EGFR: variants seen among roughly 807,000 people sequenced by gnomAD.
EGFR encodes the protein avian erythroblastic leukemia viral (v-erb-b) oncogene homolog.
EGFR carries 58 observed loss-of-function variants against 143.0 expected under a neutral mutation model. The ratio of observed to expected loss-of-function variants is 0.41; its 90% CI spans 0.33 to 0.50. The LOEUF (loss-of-function observed/expected upper bound fraction) is 0.50, where lower values mean the gene tolerates loss of function less well. Ranked by LOEUF, EGFR falls within the 20% of genes least tolerant of loss-of-function variation. EGFR has a pLI of 0.39. For missense variants in EGFR, 1,307 were observed against 1,579.0 expected (o/e 0.83, Z 2.92); for synonymous variants, 613 against 594.4 (o/e 1.03, Z -0.45).
chr7:55,163,484 T>C (rs1785807612), intron 13 of EGFR, among the ~76,000 whole-genome samples: 1 of 152,214 alleles, frequency 6.6e-6, no homozygotes, highest in Admixed American at 6.5e-5. Context: ...GCTTACCCAA[T>C]ATGCAAAAAC....
intron 1 of EGFR, among the ~76,000 whole-genome samples, chr7:55,034,502 A>G (rs1787445434): frequency 6.6e-6 from 1 of 152,160 alleles, no homozygotes; most frequent in Non-Finnish European, 1.5e-5. Context: ...TGCTTGATTC[A>G]CTGATGACTG....
chr7:55,025,049 T>G (rs1232436458), intron 1 of EGFR, among the ~76,000 whole-genome samples: 1 of 151,868 alleles, frequency 6.6e-6, no homozygotes, highest in African/African-American at 2.4e-5. Context: ...TTCTTGAGAG[T>G]GCTAGTAATT....
intron 20 of EGFR, among the ~76,000 whole-genome samples, chr7:55,187,485 G>T (rs1009198251): frequency 6.6e-6 from 1 of 152,194 alleles, no homozygotes; most frequent in Non-Finnish European, 1.5e-5. Flanking sequence ...CAGGACAGGG[G>T]TCCCAGCAGC....
intron 1 of EGFR, among the ~76,000 whole-genome samples, chr7:55,036,759 T>G (rs956052944): frequency 6.6e-6 from 1 of 152,124 alleles, no homozygotes; most frequent in African/African-American, 2.4e-5. Flanking sequence ...TATATAAAAA[T>G]AGGTTTTGAA....
intron 12 of EGFR, among the ~76,000 whole-genome samples, chr7:55,160,791 C>A (rs145849050): frequency 6.6e-6 from 1 of 152,228 alleles, no homozygotes. Flanking sequence ...CCACGGGCAG[C>A]GTCAGCTTTG....
intron 15 of EGFR, among the ~76,000 whole-genome samples, chr7:55,167,354 G>T (rs1183307692): frequency 2.1e-5 from 3 of 141,476 alleles, no homozygotes; most frequent in African/African-American, 2.7e-5. Flanking sequence ...AGTCACAATG[G>T]TGGTGGTGTT....
intron 1 of EGFR, among the ~76,000 whole-genome samples, chr7:55,137,436 C>A (rs946677847): frequency 1.3e-5 from 2 of 152,124 alleles, no homozygotes; most frequent in Non-Finnish European, 2.9e-5. Flanking sequence ...GGCTTGTGGG[C>A]AGAGTGGTAT....
intron 15 of EGFR, among the ~76,000 whole-genome samples, chr7:55,169,066 C>A (rs1474783758): frequency 6.6e-6 from 1 of 151,962 alleles, no homozygotes; most frequent in Non-Finnish European, 1.5e-5. Context: ...TGCAGCCACC[C>A]AGACGAGGGG....
At chr7:55,203,575 TACGCCAC>T (rs1787965163) in intron 27 of EGFR, among the ~76,000 whole-genome samples, 2 of 147,618 alleles carry the variant, frequency 1.4e-5, no homozygotes, top group Admixed American at 6.7e-5. Flanking sequence ...CACACACACA[TACGCCAC>T]ACACACACCA....
intron 1 of EGFR, among the ~76,000 whole-genome samples, chr7:55,042,072 T>C (rs1378357957): frequency 6.6e-6 from 1 of 152,236 alleles, no homozygotes; most frequent in Non-Finnish European, 1.5e-5. Context: ...TAATATATGA[T>C]CTTCTGAGTC....
chr7:55,141,121 T>C (rs1584139186), intron 1 of EGFR, among the ~76,000 whole-genome samples: 1 of 152,232 alleles, frequency 6.6e-6, no homozygotes. Context: ...GAAGTGCCTT[T>C]GCAGATGAGG....
intron 1 of EGFR, among the ~76,000 whole-genome samples, chr7:55,051,803 G>T (rs545624875): frequency 6.6e-6 from 1 of 152,140 alleles, no homozygotes; most frequent in East Asian, 1.9e-4. Flanking sequence ...TCACACAGAC[G>T]CTGACCACTG....
intron 20 of EGFR, among the ~76,000 whole-genome samples, chr7:55,189,357 G>A (rs1041172705): frequency 2.6e-5 from 4 of 152,080 alleles, no homozygotes; most frequent in South Asian, 2.1e-4. Flanking sequence ...GTGTCTGCAC[G>A]GACGTGTGTG....
chr7:55,176,008 C>A (rs1306761608), intron 19 of EGFR, among the ~76,000 whole-genome samples: 1 of 152,098 alleles, frequency 6.6e-6, no homozygotes, highest in Non-Finnish European at 1.5e-5. Flanking sequence ...TAACGGTTTA[C>A]AAATTGAGTC....
At chr7:55,130,794 T>C (rs1376141733) in intron 1 of EGFR, among the ~76,000 whole-genome samples, 1 of 152,236 alleles carries the variant, frequency 6.6e-6, no homozygotes, top group Non-Finnish European at 1.5e-5. Context: ...CTCAGCTGTA[T>C]GTGCCCCGCA....
In EGFR at chr7:55,143,479, A is replaced by T. The variant is rs2128927576; in HGVS notation, c.415A>T (p.Asn139Tyr). Residue 139 changes from asparagine (N) to tyrosine (Y), a missense_variant, in exon 3 of 28, where the codon AAT (asparagine) becomes TAT (tyrosine). Around this residue, in one of 7 missense-constraint regions of EGFR, gnomAD observed 311 missense variants for 412.3 expected, o/e 0.75. Coordinates refer to ENST00000275493, the MANE Select transcript of EGFR (RefSeq NM_005228.5). ...CGGACTGAAGGAGCTGCCCATGAGA[A>T]ATTTACAGGGTGAGAGGCTGGGATG... ...KTGLKELPMRNLQEILHGAVR... is the reference protein window; with the variant it reads ...KTGLKELPMRYLQEILHGAVR... 1 of 1,614,196 alleles carries T rather than the reference A, an allele frequency of 6.2e-7. No homozygotes were observed. The highest frequency in any genetic ancestry group is 8.5e-7 in the Non-Finnish European group (1 of 1,180,042).
rs1232137513 is a variant in EGFR at position 55,209,035 on chromosome 7, G to A, written c.*3418G>A. 1 of 152,184 alleles carries A rather than the reference G, an allele frequency of 6.6e-6. No individual in the cohort carries two copies. The highest frequency in any genetic ancestry group is 1.9e-4 in the East Asian group (1 of 5,180). The allele number at this position is 152,184 out of a possible 1,614,324, so 9.4% of individuals were successfully genotyped here. ...CCAGTGCCACTCTCACTAGGCCTCT[G>A]ATTGCACTTGTGTAGGATGAAGCTG... On this transcript the variant is annotated 3_prime_UTR_variant, in exon 28 of 28. Coordinates refer to ENST00000275493, the MANE Select transcript of EGFR (RefSeq NM_005228.5).
intron 22 of EGFR, among the ~76,000 whole-genome samples, chr7:55,193,919 A>T (rs769125815): frequency 6.6e-6 from 1 of 152,200 alleles, no homozygotes; most frequent in Non-Finnish European, 1.5e-5. Context: ...AAGATTTATG[A>T]TACAAAGGCA....
In EGFR at chr7:55,156,835, T is replaced by C; in HGVS notation, c.1207+3T>C. On this transcript the variant is annotated splice_donor_region_variant and intron_variant, in intron 10 of 27. Coordinates refer to ENST00000275493, the MANE Select transcript of EGFR (RefSeq NM_005228.5). ...GAAAACCGTAAAGGAAATCACAGGT[T>C]TGAGCTGAATTATCACATGAATATA... The C allele has an allele frequency of 6.2e-7, 1 of 1,614,230 alleles. No individual in the cohort carries two copies. The highest frequency in any genetic ancestry group is 2.2e-5 in the East Asian group (1 of 44,886).
Sources: gnomAD v4.1 joint callset for allele counts (sites outside exome capture counted in the v4.1 genomes callset) on GRCh38, gnomAD v4.1.1 for gene constraint, gnomAD v4.1.1 regional missense constraint, MANE v1.5 for transcripts, NCBI Gene and HGNC (gene_info 2026-07-23, HGNC 2026-07-21) for gene names.